Variants in GADL1 observed in about 807,000 individuals in gnomAD.
GADL1 encodes acidic amino acid decarboxylase GADL1.
A neutral mutation model predicts 69.5 loss-of-function variants in GADL1; 71 were observed. The observed-to-expected ratio is 1.02, with a 90% CI of 0.84 to 1.25. The LOEUF is 1.25. Ranked by LOEUF, GADL1 falls within the 50% of genes most tolerant of loss-of-function variation. GADL1 has a pLI of 0.00. For missense variants in GADL1, 737 were observed against 631.8 expected, an observed-to-expected ratio of 1.17 and a Z score of -1.79; for synonymous variants, 254 against 214.4, an observed-to-expected ratio of 1.18 and a Z score of -1.62.
At chr3:30,755,508 T>TA (rs1695947268) in intron 14 of GADL1, among the ~76,000 whole-genome samples, 1 of 152,206 alleles carries the variant, frequency 6.6e-6, no homozygotes, top group Admixed American at 6.5e-5. Context: ...CTTCTCCCCC[T>TA]AAGGAATTTC....
At chr3:30,765,355 C>A (rs2125488282) in intron 14 of GADL1, among the ~76,000 whole-genome samples, 1 of 152,272 alleles carries the variant, frequency 6.6e-6, no homozygotes, top group African/African-American at 2.4e-5. Flanking sequence ...TGTAAAACTA[C>A]AGGTGGGATA....
chr3:30,781,503 G>GC (rs1298405998), intron 13 of GADL1, among the ~76,000 whole-genome samples: 7 of 152,190 alleles, frequency 4.6e-5, no homozygotes, highest in African/African-American at 1.7e-4. Flanking sequence ...AAACAATCAT[G>GC]CAAATATAGA....
intron 11 of GADL1, among the ~76,000 whole-genome samples, chr3:30,803,231 TATC>T (rs914743935): frequency 3.7e-4 from 56 of 152,320 alleles, no homozygotes; most frequent in African/African-American, 1.3e-3. Context: ...TCTTAGATTT[TATC>T]ATCAATATCT....
chr3:30,858,692 G>C (rs996184510), intron 2 of GADL1, among the ~76,000 whole-genome samples: 1 of 151,916 alleles, frequency 6.6e-6, no homozygotes, highest in Admixed American at 6.6e-5. Flanking sequence ...GGCACCTTCA[G>C]AATATCCAAA....
At chr3:30,750,699 G>T (rs1461617073) in intron 14 of GADL1, among the ~76,000 whole-genome samples, 1 of 151,512 alleles carries the variant, frequency 6.6e-6, no homozygotes, top group East Asian at 1.9e-4. Context: ...AACAACACAC[G>T]CACACACAAT....
intron 1 of GADL1, among the ~76,000 whole-genome samples, chr3:30,873,435 C>T (rs1410430992): frequency 6.6e-6 from 1 of 151,908 alleles, no homozygotes; most frequent in Non-Finnish European, 1.5e-5. Context: ...AATTCAAAGC[C>T]AGGCAGCCTG....
chr3:30,762,782 T>A (rs1037134687), intron 14 of GADL1, among the ~76,000 whole-genome samples: 1 of 152,184 alleles, frequency 6.6e-6, no homozygotes, highest in African/African-American at 2.4e-5. Flanking sequence ...GTAACTATCT[T>A]TCTAGTCTCA....
chr3:30,762,646 T>C (rs1201682408), intron 14 of GADL1, among the ~76,000 whole-genome samples: 2 of 152,202 alleles, frequency 1.3e-5, no homozygotes, highest in African/African-American at 4.8e-5. Context: ...TTTTAAGTTA[T>C]TTAAAAATGT....
rs192915731 is a variant in GADL1, at chr3:30,865,643, A to G, written c.38-3878T>C. ...ACAGTTAATGGGCTAGAGAAGAGAC[A>G]GTGGAGGCTGAAAGAACCCCGGGAA... is the stretch of plus-strand genomic sequence containing the variant. On this transcript the variant is annotated intron_variant, in intron 1 of 14. Coordinates refer to ENST00000282538, the MANE Select transcript of GADL1 (RefSeq NM_207359.3). 1.9e-3 allele frequency among the ~76,000 whole-genome samples: 288 copies of G among 152,182 alleles called. 2 individuals are homozygous for G. The highest frequency in any genetic ancestry group is 6.7e-3 in the African/African-American group (277 of 41,568).
At position 30,760,219 on chromosome 3, in the gene GADL1, ATC is replaced by A. The variant is rs1353729092; in HGVS notation, c.1392+17958_1392+17959del. Among the ~76,000 whole-genome samples, 3 of 152,278 alleles carry A rather than the reference ATC, an allele frequency of 2.0e-5. No individual in the cohort carries two copies. In the East Asian group the frequency reaches 5.8e-4, roughly 29 times the overall value. On this transcript the variant is annotated intron_variant, in intron 14 of 14. Coordinates refer to ENST00000282538, the MANE Select transcript of GADL1 (RefSeq NM_207359.3). ...TAGGACACTTCCTTCCTGCACAATC[ATC>A]TTCCTCGAGGTTCATCTCCTTCGTT...
chr3:30,755,196 CAT>C (rs1401470364), intron 14 of GADL1, among the ~76,000 whole-genome samples: 3 of 152,116 alleles, frequency 2.0e-5, no homozygotes, highest in South Asian at 2.1e-4. Context: ...TACTGTAAAT[CAT>C]ATCATTTATA....
In GADL1 at chr3:30,741,190, A is replaced by ATATGTGTGTGTGTG. The variant is rs747105488; in HGVS notation, c.1393-12776_1393-12775insCACACACACACATA. Among the ~76,000 whole-genome samples the ATATGTGTGTGTGTG allele has an allele frequency of 4.2e-3, 563 of 132,622 alleles. 8 individuals carry two copies. The highest frequency in any genetic ancestry group is 0.02 in the East Asian group (93 of 4,700). The allele number at this position is 132,622 out of a possible 152,430, so 87.0% of individuals were successfully genotyped here. ...TAAATATTATATATATTATATAATT[A>ATATGTGTGTGTGTG]TGTGTGTGTGTGTGTGTGTGTGTGT... On this transcript the variant is annotated intron_variant, in intron 14 of 14. Transcript: ENST00000282538.
chr3:30,818,201 TG>T (rs1697507450), intron 11 of GADL1, among the ~76,000 whole-genome samples: 1 of 152,172 alleles, frequency 6.6e-6, no homozygotes, highest in Non-Finnish European at 1.5e-5. Flanking sequence ...GAATTAACAC[TG>T]AGAGATTCTA....
At chr3:30,764,581 G>A (rs550368366) in intron 14 of GADL1, among the ~76,000 whole-genome samples, 108 of 152,176 alleles carry the variant, frequency 7.1e-4, no homozygotes, top group African/African-American at 2.5e-3. Flanking sequence ...GAAATCACTC[G>A]AGAAGCATGT....
chr3:30,856,267 G>A (rs552828976), intron 3 of GADL1, among the ~76,000 whole-genome samples: 1 of 152,160 alleles, frequency 6.6e-6, no homozygotes, highest in East Asian at 1.9e-4. Flanking sequence ...TTAAGCGCTA[G>A]ATACCTTTAC....
At chr3:30,835,712 C>T (rs949619529) in intron 9 of GADL1, among the ~76,000 whole-genome samples, 2 of 152,030 alleles carry the variant, frequency 1.3e-5, no homozygotes, top group Admixed American at 1.3e-4. Context: ...CAGCCTTGTC[C>T]CATGGACTAA....
intron 9 of GADL1, 27 bp downstream of exon 9, chr3:30,838,969 AC>A: frequency 7.5e-7 from 1 of 1,333,892 alleles, no homozygotes; most frequent in South Asian, 1.4e-5. Flanking sequence ...CAAAGGTTAA[AC>A]AGGTATGTAC....
intron 12 of GADL1, 34 bp from the exon 13 acceptor site, chr3:30,786,440 T>TG (rs756380769): frequency 3.6e-6 from 4 of 1,103,616 alleles, no homozygotes; most frequent in Non-Finnish European, 5.5e-6. Context: ...ATTTATAATC[T>TG]GCAATGTAAA....
intron 14 of GADL1, among the ~76,000 whole-genome samples, chr3:30,731,011 T>C (rs985417979): frequency 6.6e-6 from 1 of 152,240 alleles, no homozygotes; most frequent in East Asian, 1.9e-4. Context: ...ATCATAAAAG[T>C]ACACTTGTTT....
Sources: gnomAD v4.1 joint callset for allele counts (sites outside exome capture counted in the v4.1 genomes callset) on GRCh38, gnomAD v4.1.1 for gene constraint, MANE v1.5 for transcripts, NCBI Gene and HGNC (gene_info 2026-07-23, HGNC 2026-07-21) for gene names.